Variants in ANKHD1 observed in about 807,000 individuals in gnomAD.
ANKHD1 encodes ankyrin repeat and KH domain-containing protein 1.
A neutral mutation model predicts 230.5 loss-of-function variants in ANKHD1; 31 were observed. That is an observed-to-expected ratio of 0.13 (90% CI 0.10 to 0.18). ANKHD1 has a LOEUF of 0.18. ANKHD1 is among the 10% of genes least tolerant of loss of function. The pLI is 1.00. For synonymous variants in ANKHD1, 1,074 were observed against 1,117.6 expected (o/e 0.96, Z 0.78); for missense variants, 2,256 against 3,071.3 (o/e 0.73, Z 6.27).
At chr5:140,407,236 A>G (rs892147077) in intron 1 of ANKHD1, among the ~76,000 whole-genome samples, 2 of 141,968 alleles carry the variant, frequency 1.4e-5, no homozygotes, top group Non-Finnish European at 3.0e-5. Context: ...CAGAAGTCGC[A>G]GTGAGCTGAG....
intron 29 of ANKHD1, among the ~76,000 whole-genome samples, chr5:140,530,686 A>C (rs1396808285): frequency 1.3e-5 from 2 of 152,226 alleles, no homozygotes; most frequent in African/African-American, 2.4e-5. Context: ...GGAGAACCAG[A>C]ATCTATTTTC....
chr5:140,523,078 T>G (rs2127080246), intron 24 of ANKHD1, among the ~76,000 whole-genome samples: 1 of 148,804 alleles, frequency 6.7e-6, no homozygotes, highest in South Asian at 2.1e-4. Flanking sequence ...ATAACTTGGT[T>G]TTTTTTTTTA....
chr5:140,402,964 CT>C (rs56939861), intron 1 of ANKHD1, among the ~76,000 whole-genome samples: 434 of 73,926 alleles, frequency 5.9e-3, no homozygotes, highest in African/African-American at 0.012. Flanking sequence ...GAAACCTCTT[CT>C]TTTTTTTTTT....
At chr5:140,508,075 A>G in intron 20 of ANKHD1, 77 bp downstream of exon 20, 7 of 1,488,546 alleles carry the variant, frequency 4.7e-6, no homozygotes, top group South Asian at 1.4e-5. Context: ...CAAATTGAAT[A>G]TAATATTTTA....
At chr5:140,502,226 T>G (rs1752338441) in intron 15 of ANKHD1, among the ~76,000 whole-genome samples, 1 of 152,218 alleles carries the variant, frequency 6.6e-6, no homozygotes, top group South Asian at 2.1e-4. Flanking sequence ...CACATGCACT[T>G]TTTAAATCTC....
At chr5:140,518,334 T>C (rs1753145903) in intron 24 of ANKHD1, among the ~76,000 whole-genome samples, 1 of 152,196 alleles carries the variant, frequency 6.6e-6, no homozygotes, top group South Asian at 2.1e-4. Flanking sequence ...ACCAGATGGA[T>C]TCACAGCCGA....
rs1243860249 is a variant in ANKHD1 at position 140,497,079 on chromosome 5, T to C, written c.2805T>C (p.Cys935=). Residue 935 remains cysteine, a synonymous_variant, in exon 15 of 34, where the codon TGT becomes TGC. Coordinates refer to ENST00000360839, the MANE Select transcript of ANKHD1 (RefSeq NM_017747.3). ...TCCAGCCTTTATCATCTCCACAGTG[T>C]AACTTTTCCAGTGACTTAGGTTCTA... ...VPVQPLSSPQ[C]NFSSDLGSNG... 1.2e-6 allele frequency: 2 copies of C among 1,614,194 alleles called. No individual in the cohort carries two copies. The highest frequency in any genetic ancestry group is 1.3e-5 in the African/African-American group (1 of 75,060).
At chr5:140,445,472 C>G (rs1200779274) in intron 5 of ANKHD1, among the ~76,000 whole-genome samples, 1 of 151,800 alleles carries the variant, frequency 6.6e-6, no homozygotes, top group African/African-American at 2.4e-5. Context: ...CCATTGCACT[C>G]CAGCCTGGGC....
chr5:140,435,596 C>T (rs1328200695), intron 1 of ANKHD1, among the ~76,000 whole-genome samples: 1 of 152,072 alleles, frequency 6.6e-6, no homozygotes, highest in East Asian at 1.9e-4. Context: ...CCAGGATGGT[C>T]TCAAACTCTT....
At chr5:140,535,131 C>G (rs974569334) in intron 29 of ANKHD1, among the ~76,000 whole-genome samples, 4 of 152,120 alleles carry the variant, frequency 2.6e-5, no homozygotes, top group African/African-American at 9.7e-5. Flanking sequence ...TTTCCTGTAT[C>G]TAGTGCTGTT....
chr5:140,495,189 G>A (rs1236788012), intron 14 of ANKHD1, among the ~76,000 whole-genome samples: 3 of 150,478 alleles, frequency 2.0e-5, no homozygotes, highest in Admixed American at 6.6e-5. Flanking sequence ...TGTTTTTGAG[G>A]TTTACTCATG....
chr5:140,496,157 G>A (rs1752025839), intron 14 of ANKHD1, among the ~76,000 whole-genome samples: 1 of 152,100 alleles, frequency 6.6e-6, no homozygotes, highest in Non-Finnish European at 1.5e-5. Context: ...TAGATTTGGT[G>A]TTCTTTAAAA....
At position 140,529,038 on chromosome 5, in the gene ANKHD1, T is replaced by C. The variant is rs1333252948; in HGVS notation, c.6092T>C (p.Val2031Ala). The change falls in exon 29 of 34, where the codon GTG (valine) becomes GCG (alanine). Residue 2031 changes from valine (V) to alanine (A), a missense_variant. Around this residue, in one of 13 missense-constraint regions of ANKHD1, gnomAD observed 778 missense variants for 966.5 expected, o/e 0.80. Coordinates refer to ENST00000360839, the MANE Select transcript of ANKHD1 (RefSeq NM_017747.3). ...FSAVPPTKEK[V>A]STQDQPMANL... ...GCTGTGCCACCCACCAAAGAGAAAG[T>C]GTCCACACAGGACCAGCCCATGGCA... The C allele has an allele frequency of 2.5e-6, 4 of 1,613,964 alleles. No homozygotes were observed. The Admixed American group carries it at 5.0e-5, about 20-fold the overall frequency.
chr5:140,483,122 A>G (rs1435435725), intron 11 of ANKHD1, among the ~76,000 whole-genome samples: 1 of 152,192 alleles, frequency 6.6e-6, no homozygotes, highest in African/African-American at 2.4e-5. Context: ...ATATTTAGGC[A>G]AGAAATTTCA....
chr5:140,533,697 C>G (rs899774134), intron 29 of ANKHD1, among the ~76,000 whole-genome samples: 3 of 150,090 alleles, frequency 2.0e-5, no homozygotes, highest in Non-Finnish European at 4.4e-5. Flanking sequence ...TTGCTTGAGC[C>G]CAGAGGTCGA....
At position 140,513,343 on chromosome 5, in the gene ANKHD1, A is replaced by G. The variant is rs775686182; in HGVS notation, c.4201-20A>G. Reference sequence around the variant, plus strand: ...GGCCTCTTTCATTATATATTTACATAATTCTATTTCCTGCTGTAGGAACTG... The same window carrying G: ...GGCCTCTTTCATTATATATTTACATGATTCTATTTCCTGCTGTAGGAACTG... On this transcript the variant is annotated intron_variant, in intron 23 of 33. Coordinates refer to ENST00000360839, the MANE Select transcript of ANKHD1 (RefSeq NM_017747.3). 1 of 1,592,368 alleles carries G rather than the reference A, an allele frequency of 6.3e-7. No homozygotes were observed. The highest frequency in any genetic ancestry group is 2.3e-5 in the East Asian group (1 of 44,322).
At chr5:140,464,546 C>A (rs1227598305) in intron 9 of ANKHD1, 121 bp from the exon 10 acceptor site, 2 of 840,370 alleles carry the variant, frequency 2.4e-6, no homozygotes, top group Non-Finnish European at 3.4e-6. Flanking sequence ...AACTAGTATA[C>A]TTAAAATGCA....
At chr5:140,461,150 G>C (rs1008930354) in intron 9 of ANKHD1, among the ~76,000 whole-genome samples, 5 of 152,248 alleles carry the variant, frequency 3.3e-5, no homozygotes, top group Admixed American at 3.3e-4. Context: ...ATTGCCACTG[G>C]TTCCTATGTA....
At chr5:140,505,031 T>C (rs1012407758) in intron 16 of ANKHD1, 65 bp downstream of exon 16, 3 of 1,605,820 alleles carry the variant, frequency 1.9e-6, no homozygotes, top group African/African-American at 1.3e-5. Flanking sequence ...AGGAAAATTA[T>C]TCTGCATTTA....
Sources: gnomAD v4.1 joint callset for allele counts (sites outside exome capture counted in the v4.1 genomes callset) on GRCh38, gnomAD v4.1.1 for gene constraint, gnomAD v4.1.1 regional missense constraint, MANE v1.5 for transcripts, NCBI Gene and HGNC (gene_info 2026-07-23, HGNC 2026-07-21) for gene names.